ZSCAN5B: variants seen among roughly 807,000 people sequenced by gnomAD.
The protein encoded by ZSCAN5B is zinc finger and SCAN domain containing 5B, also known as zinc finger and SCAN domain-containing protein 5B.
Under a neutral mutation model 25.2 loss-of-function variants are expected in ZSCAN5B, and 26 were observed. The observed-to-expected ratio is 1.03, with a 90% CI of 0.76 to 1.43. The LOEUF is 1.43. Ranked by LOEUF, ZSCAN5B falls within the 40% of genes most tolerant of loss-of-function variation. The pLI, the probability that ZSCAN5B is intolerant of heterozygous loss-of-function variation, is 0.00. For synonymous variants in ZSCAN5B, 244 were observed against 240.9 expected (o/e 1.01, Z -0.12); for missense variants, 745 against 622.1 (o/e 1.20, Z -2.10).
At chr19:56,192,035 C>A (rs752770185) in exon 3 of ZSCAN5B, 1 of 1,612,566 alleles carries the variant, frequency 6.2e-7, no homozygotes, top group Admixed American at 1.7e-5. Context: ...TATTCTTTGC[C>A]GAGCAAGTTG....
chr19:56,193,787 C>T (rs2032771950), intron 1 of ZSCAN5B, among the ~76,000 whole-genome samples: 1 of 151,986 alleles, frequency 6.6e-6, no homozygotes, highest in South Asian at 2.1e-4. Flanking sequence ...ATGGTGAAAC[C>T]CCGTCTCTAC....
chr19:56,196,579 G>A (rs920878082), intron 1 of ZSCAN5B, among the ~76,000 whole-genome samples: 3 of 152,042 alleles, frequency 2.0e-5, no homozygotes, highest in East Asian at 1.9e-4. Flanking sequence ...GCTGTGCACC[G>A]GACATATACA....
intron 1 of ZSCAN5B, 43 bp from the exon 2 acceptor site, chr19:56,193,222 T>G: frequency 1.3e-6 from 1 of 752,348 alleles, no homozygotes; most frequent in Non-Finnish European, 2.0e-6. Flanking sequence ...AACTTTCTAC[T>G]CCACACACCC....
At chr19:56,190,809 C>T (rs1432616295) in intron 4 of ZSCAN5B, 28 bp downstream of exon 4, 2 of 1,609,590 alleles carry the variant, frequency 1.2e-6, no homozygotes, top group African/African-American at 1.3e-5. Context: ...AGGGACTAAC[C>T]CCTGTGGATC....
chr19:56,191,135 G>C (rs1329881426), intron 3 of ZSCAN5B, 148 bp from the exon 4 acceptor site: 1 of 1,088,038 alleles, frequency 9.2e-7, no homozygotes. Flanking sequence ...TTCTGCGTCT[G>C]TCCCTAATCT....
At chr19:56,197,052 C>A (rs1273368997) in intron 1 of ZSCAN5B, among the ~76,000 whole-genome samples, 2 of 152,044 alleles carry the variant, frequency 1.3e-5, no homozygotes, top group Non-Finnish European at 2.9e-5. Context: ...CCGAGGAGGG[C>A]ACATAGCTTG....
intron 3 of ZSCAN5B, among the ~76,000 whole-genome samples, chr19:56,191,516 C>A (rs1201643546): frequency 1.3e-5 from 2 of 152,204 alleles, no homozygotes; most frequent in Non-Finnish European, 2.9e-5. Context: ...GGGTTCCTTG[C>A]TGAATGACTT....
At position 56,192,767 on chromosome 19, in the gene ZSCAN5B, T is replaced by C. The variant is rs752550042; in HGVS notation, c.286A>G (p.Met96Val). The stretch of plus-strand genomic sequence containing the variant: ...ACTAAGACCTGGAGCTCCTGGGGCA[T>C]GGAGATCATGAACTGCTCCATCACC... The change falls in exon 2 of 5, where the codon ATG (methionine) becomes GTG (valine). Residue 96 changes from methionine (M) to valine (V), a missense_variant. Physicochemically the swap from Met to Val is conservative, Grantham distance 21 (BLOSUM62 1). Transcript: ENST00000586855. 16 of 1,608,524 alleles carry C rather than the reference T, an allele frequency of 9.9e-6. No individual in the cohort carries two copies. The highest frequency in any genetic ancestry group is 1.2e-5 in the Non-Finnish European group (14 of 1,176,372).
chr19:56,192,083 T>C (rs1230234929), intron 2 of ZSCAN5B, 30 bp from the exon 3 acceptor site: 1 of 1,575,010 alleles, frequency 6.3e-7, no homozygotes, highest in Admixed American at 1.8e-5. Context: ...AATCAGACAC[T>C]ATGAGAACCT....
At chr19:56,194,462 T>C (rs960405558) in intron 1 of ZSCAN5B, among the ~76,000 whole-genome samples, 62 of 152,056 alleles carry the variant, frequency 4.1e-4, no homozygotes, top group Admixed American at 4.0e-3. Context: ...CTAATTTTTA[T>C]AGGTTATTTT....
Position 56,191,792 on chromosome 19 carries a change from G to A in ZSCAN5B, c.588+58C>T, listed in dbSNP as rs926836545. The A allele has an allele frequency of 1.7e-5, 27 of 1,569,248 alleles. No individual in the cohort carries two copies. In the African/African-American group the frequency reaches 1.9e-4, roughly 11 times the overall value. On this transcript the variant is annotated intron_variant, in intron 3 of 4. Coordinates refer to ENST00000586855, the Ensembl canonical transcript of ZSCAN5B. ...CTCTCAATCAGTTCTGCAGCCACAC[G>A]ATTTCCTCCTGTTCCTTCTCCCACC...
At chr19:56,193,583 T>C (rs184127559) in intron 1 of ZSCAN5B, among the ~76,000 whole-genome samples, 1 of 152,332 alleles carries the variant, frequency 6.6e-6, no homozygotes, top group Non-Finnish European at 1.5e-5. Flanking sequence ...AAAATATTAA[T>C]AGTTACAACC....
chr19:56,194,893 G>A (rs985443073), intron 1 of ZSCAN5B, among the ~76,000 whole-genome samples: 18 of 152,120 alleles, frequency 1.2e-4, no homozygotes, highest in African/African-American at 4.3e-4. Flanking sequence ...GTGAGCCATC[G>A]CGCACAGCCC....
exon 2 of ZSCAN5B, chr19:56,192,982 C>G (rs368732521): frequency 2.5e-6 from 4 of 1,607,734 alleles, no homozygotes; most frequent in Admixed American, 1.7e-5. Flanking sequence ...CGCCACAGAC[C>G]GTGGAGTGTC....
At chr19:56,190,452 C>G in exon 5 of ZSCAN5B, 3 of 1,614,052 alleles carry the variant, frequency 1.9e-6, no homozygotes, top group Non-Finnish European at 2.5e-6. Flanking sequence ...CAGAGCATCT[C>G]CTCTGTTCCC....
intron 3 of ZSCAN5B, among the ~76,000 whole-genome samples, chr19:56,191,230 A>G (rs1347402878): frequency 1.3e-5 from 2 of 151,972 alleles, no homozygotes; most frequent in Non-Finnish European, 2.9e-5. Flanking sequence ...CGCCGTGCCA[A>G]TGTCTCCCTG....
chr19:56,190,556 C>T (rs1344590892), exon 5 of ZSCAN5B: 2 of 1,612,374 alleles, frequency 1.2e-6, no homozygotes, highest in Non-Finnish European at 1.7e-6. Flanking sequence ...GTTCCTTCCC[C>T]TCCTTTGCTC....
At chr19:56,190,036 G>C (rs1486853979) in exon 5 of ZSCAN5B, 1 of 1,613,582 alleles carries the variant, frequency 6.2e-7, no homozygotes, top group Non-Finnish European at 8.5e-7. Flanking sequence ...TTGTGGCCCT[G>C]TAAGGTGGAC....
At chr19:56,189,804 A>G in exon 5 of ZSCAN5B, 2 of 1,585,354 alleles carry the variant, frequency 1.3e-6, no homozygotes, top group Non-Finnish European at 1.7e-6. Flanking sequence ...CTTGGGGTGG[A>G]GGATGTGGAC....
Sources: allele counts gnomAD v4.1 joint callset (sites outside exome capture counted in the v4.1 genomes callset), GRCh38; gene constraint gnomAD v4.1.1; transcripts MANE v1.5; gene names NCBI Gene and HGNC (gene_info 2026-07-23, HGNC 2026-07-21).